Variants in TSEN15 observed in about 807,000 individuals in gnomAD.
TSEN15 encodes tRNA splicing endonuclease subunit 15, also known as tRNA-splicing endonuclease subunit Sen15.
In TSEN15, 10 loss-of-function variants were observed where a neutral mutation model predicts 20.5. The ratio of observed to expected loss-of-function variants is 0.49; its 90% CI spans 0.30 to 0.83. The LOEUF is 0.83. Ranked by LOEUF, TSEN15 falls within the 40% of genes least tolerant of loss-of-function variation. The probability of loss-of-function intolerance (pLI) is 0.06; values close to 1 mark genes in which losing one functional copy is unlikely to be tolerated. For missense variants in TSEN15, 180 were observed against 218.6 expected (o/e 0.82, Z 1.11); for synonymous variants, 72 against 80.1 (o/e 0.90, Z 0.54).
chr1:184,079,041 C>G (rs898719435), downstream of TSEN15, among the ~76,000 whole-genome samples: 1 of 152,138 alleles, frequency 6.6e-6, no homozygotes, highest in Admixed American at 6.5e-5. Flanking sequence ...TTTACATGTG[C>G]AGAATAATGT....
intron 2 of TSEN15, 97 bp from the exon 3 acceptor site, chr1:184,054,631 G>T: frequency 7.2e-7 from 1 of 1,397,506 alleles, no homozygotes; most frequent in East Asian, 2.4e-5. Context: ...GTAGTGTTAC[G>T]AGTGATATTT....
chr1:184,077,768 C>G (rs1295855085), downstream of TSEN15, among the ~76,000 whole-genome samples: 1 of 152,064 alleles, frequency 6.6e-6, no homozygotes, highest in Admixed American at 6.6e-5. Context: ...GTAGAAATAG[C>G]AAGAGAATTA....
At chr1:184,052,079 T>C (rs1444111206) in intron 1 of TSEN15, among the ~76,000 whole-genome samples, 189 bp downstream of exon 1, 2 of 152,186 alleles carry the variant, frequency 1.3e-5, no homozygotes, top group Non-Finnish European at 2.9e-5. Context: ...CAAGTTGCAC[T>C]ATCTCAATCC....
intron 3 of TSEN15, chr1:184,095,644 T>A: frequency 2.7e-6 from 1 of 371,062 alleles, no homozygotes. Context: ...TCTCTCTCTC[T>A]CTCTCTCTCT....
chr1:184,056,377 T>C (rs1341228133), intron 3 of TSEN15, among the ~76,000 whole-genome samples: 1 of 152,084 alleles, frequency 6.6e-6, no homozygotes, highest in Non-Finnish European at 1.5e-5. Context: ...GAAATATCTG[T>C]TCATATCTTT....
intron 3 of TSEN15, among the ~76,000 whole-genome samples, chr1:184,062,652 C>T (rs894022991): frequency 6.6e-6 from 1 of 151,946 alleles, no homozygotes; most frequent in African/African-American, 2.4e-5. Context: ...CAGGTAGTTG[C>T]AAATGGGAAA....
chr1:184,060,781 C>CAGTT (rs67757286), intron 3 of TSEN15, among the ~76,000 whole-genome samples: 1 of 151,760 alleles, frequency 6.6e-6, no homozygotes, highest in African/African-American at 2.4e-5. Flanking sequence ...ACCACGGTCT[C>CAGTT]AGTTAGCCTC....
chr1:184,068,323 A>G (rs1455156381), intron 3 of TSEN15, among the ~76,000 whole-genome samples: 3 of 152,030 alleles, frequency 2.0e-5, no homozygotes, highest in Admixed American at 6.6e-5. Flanking sequence ...TGAAAGCATA[A>G]TCCTTATTAC....
At chr1:184,066,298 G>A in intron 3 of TSEN15, among the ~76,000 whole-genome samples, 1 of 150,824 alleles carries the variant, frequency 6.6e-6, no homozygotes, top group East Asian at 2.0e-4. Flanking sequence ...ATTTATGTGA[G>A]TCAATTCTGA....
At chr1:184,088,195 C>T (rs540106092) in intron 3 of TSEN15, among the ~76,000 whole-genome samples, 18 of 152,048 alleles carry the variant, frequency 1.2e-4, no homozygotes, top group African/African-American at 3.9e-4. Flanking sequence ...TATTTAGCAG[C>T]GAGGGAGGGG....
chr1:184,065,243 T>C (rs1369421670), intron 3 of TSEN15, among the ~76,000 whole-genome samples: 1 of 151,898 alleles, frequency 6.6e-6, no homozygotes, highest in East Asian at 1.9e-4. Flanking sequence ...ACAGAAAAAA[T>C]TGAGCAGATA....
chr1:184,065,529 C>G (rs1319860773), intron 3 of TSEN15, among the ~76,000 whole-genome samples: 1 of 152,070 alleles, frequency 6.6e-6, no homozygotes, highest in East Asian at 1.9e-4. Context: ...CTTTCTTCAC[C>G]CCCAAACACA....
In TSEN15 at chr1:184,073,211, A is replaced by G. The variant is rs1320868997; in HGVS notation, c.*364A>G. The G allele has an allele frequency of 1.0e-5, 2 of 196,368 alleles. No homozygotes were observed. Among genetic ancestry groups the G allele is most frequent in the Non-Finnish European group, 2.0e-5 (2 of 98,386 alleles). The allele number at this position is 196,368 out of a possible 1,614,324, so 12.2% of individuals were successfully genotyped here. A position where few individuals can be genotyped will look rare whatever the true frequency, so the allele number is the denominator to read the frequency against. On this transcript the variant is annotated 3_prime_UTR_variant, in exon 5 of 5. Transcript: ENST00000645668. ...CTGCCAGCTCATTGTTGAGACTGCC[A>G]TTTCTTTCTCTTACTCAGCTCTCCC... is the stretch of plus-strand genomic sequence containing the variant.
chr1:184,057,169 C>T (rs182982996), intron 3 of TSEN15, among the ~76,000 whole-genome samples: 10 of 152,230 alleles, frequency 6.6e-5, no homozygotes, highest in Admixed American at 4.6e-4. Flanking sequence ...GCCACGTGAG[C>T]TGTCCTACAG....
intron 3 of TSEN15, among the ~76,000 whole-genome samples, chr1:184,057,656 T>C (rs1650296467): frequency 6.6e-6 from 1 of 152,212 alleles, no homozygotes. Flanking sequence ...TTAAAGCTGC[T>C]GTAACTGGTT....
intron 3 of TSEN15, among the ~76,000 whole-genome samples, chr1:184,087,718 T>A (rs1487826280): frequency 6.6e-6 from 1 of 152,114 alleles, no homozygotes; most frequent in Non-Finnish European, 1.5e-5. Context: ...TTGTAGTAGG[T>A]CCCATGACCA....
intron 3 of TSEN15, among the ~76,000 whole-genome samples, chr1:184,086,330 A>T (rs917189464): frequency 1.4e-4 from 22 of 152,192 alleles, no homozygotes; most frequent in African/African-American, 5.3e-4. Flanking sequence ...AGGCAAAACT[A>T]AGTTAGAGTT....
rs1380821816 is a variant in TSEN15, at chr1:184,073,580, A to G, written c.*733A>G. 6.6e-6 allele frequency: 1 copy of G among 152,652 alleles called. No homozygotes were observed. The highest frequency in any genetic ancestry group is 1.9e-4 in the East Asian group (1 of 5,196). 9.5% of individuals were successfully genotyped at this position (152,652 alleles called of 1,614,324 possible). A position where few individuals can be genotyped will look rare whatever the true frequency, so the allele number is the denominator to read the frequency against. ...ATCAACCGTAAAAATGTCTTCATTA[A>G]TTAGACCCAGTTATTCCACTTTTGT... On this transcript the variant is annotated 3_prime_UTR_variant, in exon 5 of 5. Transcript: ENST00000645668.
intron 3 of TSEN15, among the ~76,000 whole-genome samples, chr1:184,059,762 G>A (rs1650379552): frequency 6.6e-6 from 1 of 152,162 alleles, no homozygotes; most frequent in African/African-American, 2.4e-5. Context: ...GTAGAGACAG[G>A]TTTTTGCCTT....
Sources: gnomAD v4.1 joint callset for allele counts (sites outside exome capture counted in the v4.1 genomes callset) on GRCh38, gnomAD v4.1.1 for gene constraint, MANE v1.5 for transcripts, NCBI Gene and HGNC (gene_info 2026-07-23, HGNC 2026-07-21) for gene names.